Variants in MYRIP observed in about 807,000 individuals in gnomAD.
The protein encoded by MYRIP is rab effector MyRIP.
MYRIP carries 49 observed loss-of-function variants against 98.0 expected under a neutral mutation model. The observed-to-expected ratio is 0.50, with a 90% CI of 0.40 to 0.63. The LOEUF (loss-of-function observed/expected upper bound fraction) is 0.63, where lower values mean the gene tolerates loss of function less well. Among genes scored for constraint, MYRIP ranks in the 30% least tolerant of loss-of-function variants. MYRIP has a pLI of 0.00. For missense variants in MYRIP, 1,004 were observed against 1,058.2 expected (o/e 0.95, Z 0.71); for synonymous variants, 404 against 409.5 (o/e 0.99, Z 0.16).
intron 2 of MYRIP, among the ~76,000 whole-genome samples, chr3:40,020,843 A>G (rs1223662047): frequency 6.6e-6 from 1 of 152,188 alleles, no homozygotes; most frequent in Admixed American, 6.5e-5. Flanking sequence ...ACACGTTGAT[A>G]TCAAGTGCTA....
intron 12 of MYRIP, among the ~76,000 whole-genome samples, chr3:40,236,220 A>C (rs1952820320): frequency 6.6e-6 from 1 of 152,218 alleles, no homozygotes; most frequent in South Asian, 2.1e-4. Context: ...GCCTAGGAGC[A>C]ATAGGCTAGG....
chr3:39,985,828 A>T (rs13091670), intron 2 of MYRIP, among the ~76,000 whole-genome samples: 2 of 152,094 alleles, frequency 1.3e-5, no homozygotes, highest in East Asian at 3.9e-4. Context: ...TAAAGACTTA[A>T]ATGTTAGACC....
chr3:40,247,127 TTTTATTGGATAATTATTCCCCC>T (rs1476800093), intron 13 of MYRIP, among the ~76,000 whole-genome samples: 6 of 152,218 alleles, frequency 3.9e-5, no homozygotes, highest in African/African-American at 4.8e-5. Flanking sequence ...TTTGGGAGGA[TTTTATTGGATAATTATTCCCCC>T]TTTATTGGAT....
At chr3:39,931,987 G>A (rs1944549032) in intron 2 of MYRIP, among the ~76,000 whole-genome samples, 1 of 152,064 alleles carries the variant, frequency 6.6e-6, no homozygotes, top group Non-Finnish European at 1.5e-5. Context: ...TCTTTATCTG[G>A]TTTTGGTATC....
chr3:40,168,749 T>C (rs953686964), intron 7 of MYRIP, among the ~76,000 whole-genome samples: 7 of 152,134 alleles, frequency 4.6e-5, no homozygotes, highest in African/African-American at 1.7e-4. Flanking sequence ...AAGGCTTAGC[T>C]CTAGCTTATG....
intron 3 of MYRIP, among the ~76,000 whole-genome samples, chr3:40,132,724 C>T (rs528517272): frequency 1.3e-5 from 2 of 152,350 alleles, no homozygotes; most frequent in East Asian, 3.9e-4. Flanking sequence ...AGAGGGTTGC[C>T]CCTTTACCAG....
intron 2 of MYRIP, among the ~76,000 whole-genome samples, chr3:40,042,196 C>A (rs1947551123): frequency 7.4e-6 from 1 of 134,600 alleles, no homozygotes; most frequent in Non-Finnish European, 1.6e-5. Context: ...ATAACATGTA[C>A]AATGTTGAAT....
chr3:39,973,062 A>G (rs978630993), intron 2 of MYRIP, among the ~76,000 whole-genome samples: 3 of 152,136 alleles, frequency 2.0e-5, no homozygotes, highest in Non-Finnish European at 4.4e-5. Flanking sequence ...CATATATATT[A>G]GAAATAATTG....
chr3:39,876,470 T>C (rs367660129), intron 1 of MYRIP, among the ~76,000 whole-genome samples: 1 of 152,174 alleles, frequency 6.6e-6, no homozygotes, highest in African/African-American at 2.4e-5. Flanking sequence ...GATTTTGCAG[T>C]GGTTGGTACC....
In MYRIP at chr3:40,195,799, C is replaced by T. The variant is rs536435477; in HGVS notation, c.1665+5336C>T. ...ATACTAAGAACATGGCAAGGGTTCC[C>T]TATTTTATATTATTTTTAGAACACT... On this transcript the variant is annotated intron_variant, in intron 10 of 16. Coordinates refer to ENST00000302541, the MANE Select transcript of MYRIP (RefSeq NM_015460.4). 2.5e-4 allele frequency among the ~76,000 whole-genome samples: 38 copies of T among 152,056 alleles called. 1 individual carries two copies. Among genetic ancestry groups the T allele is most frequent in the African/African-American group, 8.7e-4 (36 of 41,500 alleles).
chr3:39,886,887 T>C (rs1412793816), intron 1 of MYRIP, among the ~76,000 whole-genome samples: 1 of 152,204 alleles, frequency 6.6e-6, no homozygotes, highest in African/African-American at 2.4e-5. Flanking sequence ...AGAATATACA[T>C]TGTTTTCAGC....
intron 3 of MYRIP, among the ~76,000 whole-genome samples, chr3:40,054,065 G>A (rs1276219520): frequency 1.3e-5 from 2 of 152,098 alleles, no homozygotes; most frequent in Non-Finnish European, 2.9e-5. Flanking sequence ...AGGCCTTTCA[G>A]CTCTAACATT....
chr3:39,944,848 G>A (rs77496217), intron 2 of MYRIP, among the ~76,000 whole-genome samples: 2,329 of 152,108 alleles, frequency 0.015, 46 homozygotes, highest in East Asian at 0.095. Flanking sequence ...CTTCTAAGTA[G>A]GGTACCAAGA....
chr3:40,028,858 A>G (rs758483312), intron 2 of MYRIP, among the ~76,000 whole-genome samples: 1 of 152,146 alleles, frequency 6.6e-6, no homozygotes, highest in Non-Finnish European at 1.5e-5. Flanking sequence ...TAAGTGAGAG[A>G]TGGTCTGAAG....
intron 3 of MYRIP, among the ~76,000 whole-genome samples, chr3:40,044,841 A>AAG (rs377445424): frequency 6.6e-6 from 1 of 152,328 alleles, no homozygotes; most frequent in African/African-American, 2.4e-5. Context: ...AAAGACAAAA[A>AAG]AGAGTCAATG....
intron 9 of MYRIP, among the ~76,000 whole-genome samples, chr3:40,184,057 G>A (rs988936634): frequency 2.6e-5 from 4 of 152,156 alleles, no homozygotes; most frequent in Admixed American, 2.0e-4. Flanking sequence ...GCATGTGATC[G>A]TTTCTTTACT....
intron 3 of MYRIP, among the ~76,000 whole-genome samples, chr3:40,106,114 C>G (rs2125896844): frequency 6.6e-6 from 1 of 152,200 alleles, no homozygotes; most frequent in East Asian, 1.9e-4. Context: ...AAGCATATCA[C>G]ATACCAGAGA....
chr3:40,258,372 C>A lies in MYRIP; in HGVS notation c.*206C>A. ...CACTGCGGTCTTGCCCACTCTCTGC[C>A]TTAGGCTCCCAGGGGAATCCAAGAC... On this transcript the variant is annotated 3_prime_UTR_variant, in exon 17 of 17. Transcript: ENST00000302541. 1 of 532,382 alleles carries A rather than the reference C, an allele frequency of 1.9e-6. No individual in the cohort carries two copies. The highest frequency in any genetic ancestry group is 3.4e-6 in the Non-Finnish European group (1 of 296,322). The allele number at this position is 532,382 out of a possible 1,614,324, so 33.0% of individuals were successfully genotyped here.
At chr3:40,032,977 T>C (rs1485906342) in intron 2 of MYRIP, among the ~76,000 whole-genome samples, 1 of 152,008 alleles carries the variant, frequency 6.6e-6, no homozygotes, top group Admixed American at 6.6e-5. Flanking sequence ...ACCACAGGAT[T>C]ATCTCAATAG....
Sources: gnomAD v4.1 joint callset for allele counts (sites outside exome capture counted in the v4.1 genomes callset) on GRCh38, gnomAD v4.1.1 for gene constraint, MANE v1.5 for transcripts, NCBI Gene and HGNC (gene_info 2026-07-23, HGNC 2026-07-21) for gene names.